The following ST6GALNAC3 variants were observed in gnomAD, a reference collection of about 807,000 sequenced individuals.
ST6GALNAC3 encodes ST6 N-acetylgalactosaminide alpha-2,6-sialyltransferase 3, also known as alpha-N-acetylgalactosaminide alpha-2,6-sialyltransferase 3.
In ST6GALNAC3, 25 loss-of-function variants were observed where a neutral mutation model predicts 32.7. The ratio of observed to expected loss-of-function variants is 0.76; its 90% CI spans 0.56 to 1.07. The LOEUF is 1.07. Among genes scored for constraint, ST6GALNAC3 ranks in the 50% least tolerant of loss-of-function variants. The pLI, the probability that ST6GALNAC3 is intolerant of heterozygous loss-of-function variation, is 0.00. For synonymous variants in ST6GALNAC3, 129 were observed against 133.1 expected, an observed-to-expected ratio of 0.97 and a Z score of 0.21; for missense variants, 355 against 382.4, an observed-to-expected ratio of 0.93 and a Z score of 0.60.
At chr1:76,087,317 AT>A (rs1208878917) in intron 1 of ST6GALNAC3, among the ~76,000 whole-genome samples, 1 of 152,160 alleles carries the variant, frequency 6.6e-6, no homozygotes, top group Non-Finnish European at 1.5e-5. Context: ...ACTATACATT[AT>A]TTCAGATTTA....
chr1:76,154,761 C>T (rs1268072555), intron 1 of ST6GALNAC3, among the ~76,000 whole-genome samples: 1 of 151,910 alleles, frequency 6.6e-6, no homozygotes, highest in African/African-American at 2.4e-5. Flanking sequence ...ATCAGCCTGA[C>T]AGGAGATTTT....
intron 1 of ST6GALNAC3, among the ~76,000 whole-genome samples, chr1:76,277,795 A>G (rs917663942): frequency 2.6e-5 from 4 of 151,938 alleles, no homozygotes; most frequent in Non-Finnish European, 5.9e-5. Flanking sequence ...TCTGTCATCT[A>G]CCAAATTTCC....
chr1:76,504,390 G>A (rs980161765), intron 3 of ST6GALNAC3, among the ~76,000 whole-genome samples: 7 of 152,062 alleles, frequency 4.6e-5, no homozygotes, highest in Non-Finnish European at 8.8e-5. Context: ...AATTACATCT[G>A]CAAAGGCCTT....
At chr1:76,343,654 C>T (rs947335045) in intron 2 of ST6GALNAC3, among the ~76,000 whole-genome samples, 5 of 152,218 alleles carry the variant, frequency 3.3e-5, no homozygotes, top group African/African-American at 4.8e-5. Context: ...ATTCCTATAT[C>T]GCTACTTCTT....
chr1:76,227,034 G>T (rs963405792), intron 1 of ST6GALNAC3, among the ~76,000 whole-genome samples: 1 of 152,200 alleles, frequency 6.6e-6, no homozygotes. Flanking sequence ...TGTTGTTGTT[G>T]CTGCTGTTTT....
chr1:76,249,202 G>T (rs1657476156), intron 1 of ST6GALNAC3, among the ~76,000 whole-genome samples: 1 of 152,088 alleles, frequency 6.6e-6, no homozygotes. Flanking sequence ...CTCTTTAATT[G>T]CTTTATTTCT....
chr1:76,635,850 T>C (rs868285272), downstream of ST6GALNAC3, among the ~76,000 whole-genome samples: 1 of 152,162 alleles, frequency 6.6e-6, no homozygotes, highest in Non-Finnish European at 1.5e-5. Flanking sequence ...CTGGAAGTGA[T>C]GTATATCACT....
intron 1 of ST6GALNAC3, among the ~76,000 whole-genome samples, chr1:76,180,941 GCA>G (rs1272431785): frequency 2.0e-5 from 3 of 152,208 alleles, no homozygotes; most frequent in African/African-American, 7.2e-5. Flanking sequence ...CTCTGCCCTT[GCA>G]AAAAGGCAGA....
At chr1:76,495,493 T>TA (rs1320468996) in intron 3 of ST6GALNAC3, among the ~76,000 whole-genome samples, 3 of 151,964 alleles carry the variant, frequency 2.0e-5, no homozygotes, top group Admixed American at 1.3e-4. Context: ...TAGTTTAATT[T>TA]AAAAAAAATT....
intron 3 of ST6GALNAC3, among the ~76,000 whole-genome samples, chr1:76,612,340 G>T (rs1478071642): frequency 1.3e-5 from 2 of 152,166 alleles, no homozygotes; most frequent in African/African-American, 4.8e-5. Context: ...TGTGGCCCAG[G>T]TTTTAAAGTT....
At chr1:76,116,281 C>T (rs1026643454) in intron 1 of ST6GALNAC3, among the ~76,000 whole-genome samples, 8 of 152,106 alleles carry the variant, frequency 5.3e-5, no homozygotes, top group Non-Finnish European at 4.4e-5. Flanking sequence ...GTCTCCTGGG[C>T]TACAGTGAGG....
chr1:76,517,544 C>G (rs927169766), intron 3 of ST6GALNAC3, among the ~76,000 whole-genome samples: 1 of 151,710 alleles, frequency 6.6e-6, no homozygotes, highest in Non-Finnish European at 1.5e-5. Flanking sequence ...TAAATTTAAA[C>G]CTTTTAAAGG....
rs767244292 is a variant in ST6GALNAC3, at chr1:76,632,235, G to A, written c.*3429G>A. On this transcript the variant is annotated 3_prime_UTR_variant, in exon 5 of 5. Transcript: ENST00000328299. ...AAAAAGCAAAAATCCAAATTAAATG[G>A]ACTGATTGCTAAGAGTACGTAAAAT... 9 of 152,038 alleles carry A rather than the reference G, an allele frequency of 5.9e-5. No homozygotes were observed. Among genetic ancestry groups the A allele is most frequent in the Non-Finnish European group, 1.3e-4 (9 of 67,978 alleles). The allele number at this position is 152,038 out of a possible 1,614,324, so 9.4% of individuals were successfully genotyped here. A position where few individuals can be genotyped will look rare whatever the true frequency, so the allele number is the denominator to read the frequency against.
chr1:76,632,904 C>A lies in ST6GALNAC3; in HGVS notation c.*4098C>A, dbSNP rs1238049010. Reference sequence around the variant, plus strand: ...CAGTTGTTTGCATGTCTTAGCACAACAAAGGATTTACAGTCTGAGGGCCAA... The same window carrying A: ...CAGTTGTTTGCATGTCTTAGCACAAAAAAGGATTTACAGTCTGAGGGCCAA... On this transcript the variant is annotated 3_prime_UTR_variant, in exon 5 of 5. Coordinates refer to ENST00000328299, the MANE Select transcript of ST6GALNAC3 (RefSeq NM_152996.4). 1 of 152,034 alleles carries A rather than the reference C, an allele frequency of 6.6e-6. No homozygotes were observed. Among genetic ancestry groups the A allele is most frequent in the South Asian group, 2.1e-4 (1 of 4,818 alleles). 9.4% of individuals were successfully genotyped at this position (152,034 alleles called of 1,614,324 possible).
In ST6GALNAC3 at chr1:76,633,056, G is replaced by T. The variant is rs1173386993; in HGVS notation, c.*4250G>T. The T allele has an allele frequency of 2.0e-5, 3 of 152,188 alleles. No individual in the cohort carries two copies. The highest frequency in any genetic ancestry group is 4.4e-5 in the Non-Finnish European group (3 of 68,042). 9.4% of individuals were successfully genotyped at this position (152,188 alleles called of 1,614,324 possible). On this transcript the variant is annotated 3_prime_UTR_variant, in exon 5 of 5. Transcript: ENST00000328299. ...CCTTTTTAAGTAGGTCAGGCTTTTA[G>T]AGCTGAAAGAGATTTTAAAGACCAG...
chr1:76,560,999 CAG>C (rs1035620242), intron 3 of ST6GALNAC3, among the ~76,000 whole-genome samples: 2 of 152,134 alleles, frequency 1.3e-5, no homozygotes, highest in African/African-American at 2.4e-5. Context: ...TTATACACAA[CAG>C]AATACTGTTT....
chr1:76,295,142 C>T (rs1051093295), intron 1 of ST6GALNAC3, among the ~76,000 whole-genome samples: 14 of 150,812 alleles, frequency 9.3e-5, no homozygotes, highest in Admixed American at 9.3e-4. Flanking sequence ...TTTTCTTTTT[C>T]TCTATGAGGC....
chr1:76,458,948 G>A lies in ST6GALNAC3; in HGVS notation c.623+46531G>A, dbSNP rs138611532. Reference sequence around the variant, plus strand: ...ATCTTGTAAAAAAAAAAGTTCACATGAATCTTGCATCTTGCTCCATAATTT... The same window carrying A: ...ATCTTGTAAAAAAAAAAGTTCACATAAATCTTGCATCTTGCTCCATAATTT... On this transcript the variant is annotated intron_variant, in intron 3 of 4. Coordinates refer to ENST00000328299, the MANE Select transcript of ST6GALNAC3 (RefSeq NM_152996.4). Among the ~76,000 whole-genome samples, 57 of 151,654 alleles carry A rather than the reference G, an allele frequency of 3.8e-4. No individual in the cohort carries two copies. In the East Asian group the frequency reaches 0.011, roughly 28 times the overall value.
At chr1:76,469,643 G>A (rs1275120461) in intron 3 of ST6GALNAC3, among the ~76,000 whole-genome samples, 3 of 152,088 alleles carry the variant, frequency 2.0e-5, no homozygotes, top group African/African-American at 7.2e-5. Flanking sequence ...TATGAATGAT[G>A]TATAAAGCCA....
Sources: allele counts gnomAD v4.1 joint callset (sites outside exome capture counted in the v4.1 genomes callset), GRCh38; gene constraint gnomAD v4.1.1; transcripts MANE v1.5; gene names NCBI Gene and HGNC (gene_info 2026-07-23, HGNC 2026-07-21).